Variants in ATP13A2 observed in about 807,000 individuals in gnomAD.
The protein encoded by ATP13A2 is ATPase cation transporting 13A2.
In ATP13A2, 83 loss-of-function variants were observed where a neutral mutation model predicts 138.3. The ratio of observed to expected loss-of-function variants is 0.60; its 90% confidence interval spans 0.50 to 0.72. The LOEUF is 0.72. ATP13A2 is among the 30% of genes least tolerant of loss of function. The probability of loss-of-function intolerance (pLI) is 0.00; values close to 1 mark genes in which losing one functional copy is unlikely to be tolerated. For missense variants in ATP13A2, 1,402 were observed against 1,606.4 expected (o/e 0.87, Z 2.17); for synonymous variants, 663 against 699.0 (o/e 0.95, Z 0.81).
At position 17,011,082 on chromosome 1, in the gene ATP13A2, G is replaced by A. The variant is rs1280480744; in HGVS notation, c.10+647C>T. Among the ~76,000 whole-genome samples the A allele has an allele frequency of 6.6e-6, 1 of 152,142 alleles. No homozygotes were observed. The highest frequency in any genetic ancestry group is 1.5e-5 in the Non-Finnish European group (1 of 68,034). ...AGATGAGACCTTTCTGGATAGGGGA[G>A]GAGGACTGGCCCCATTCCCGGCAGG... On this transcript the variant is annotated intron_variant, in intron 1 of 28. Transcript: ENST00000326735. The surrounding 1 kb of genome is among the most constrained non-coding windows in gnomAD (Gnocchi z 7.3).
Position 17,005,500 on chromosome 1 carries a change from G to A in ATP13A2, c.162C>T (p.Val54=). The stretch of plus-strand genomic sequence containing the variant: ...GCAAAGGGATCCCAGCCATCATCCA[G>A]ACCACGACGTGATAGCCGATGACCC... ...PWRVIGYHVV[V]WMMAGIPLLL... Residue 54 remains valine, a synonymous_variant, in exon 3 of 29, where the codon GTC becomes GTT. Coordinates refer to ENST00000326735, the MANE Select transcript of ATP13A2 (RefSeq NM_022089.4). 6.2e-7 allele frequency: 1 copy of A among 1,614,260 alleles called. No individual in the cohort carries two copies. Among genetic ancestry groups the A allele is most frequent in the South Asian group, 1.1e-5 (1 of 91,086 alleles).
intron 23 of ATP13A2, 47 bp from the exon 24 acceptor site, chr1:16,988,521 C>T (rs538848816): frequency 2.5e-6 from 4 of 1,611,546 alleles, no homozygotes; most frequent in East Asian, 4.5e-5. Flanking sequence ...TACCCCACCA[C>T]CCCATGGGTG....
intron 11 of ATP13A2, among the ~76,000 whole-genome samples, chr1:16,998,530 G>C (rs1238471089): frequency 1.3e-5 from 2 of 152,090 alleles, no homozygotes; most frequent in African/African-American, 4.8e-5. Flanking sequence ...CAAATACAAT[G>C]CCAGCCAGAA....
In ATP13A2 at chr1:16,989,708, G is replaced by T; in HGVS notation, c.2592C>A (p.Cys864Ter). The T allele has an allele frequency of 1.2e-6, 2 of 1,614,076 alleles. No homozygotes were observed. Among genetic ancestry groups the T allele is most frequent in the Non-Finnish European group, 1.7e-6 (2 of 1,180,018 alleles). ...MAPEQKTELV[C>*]ELQKLQYCVG... ...GCACTCACTGAAGCTTCTGTAGCTCGCACACCAGCTCTGTCTTCTGCTCAG... is the reference window on the plus strand; with the variant it reads ...GCACTCACTGAAGCTTCTGTAGCTCTCACACCAGCTCTGTCTTCTGCTCAG... The change falls in exon 23 of 29, where the codon TGC (cysteine) becomes TGA (stop). Residue 864 changes from cysteine (C) to a stop codon, truncating the protein, a stop_gained. Transcript: ENST00000326735. LOFTEE classifies it high-confidence loss of function.
intron 25 of ATP13A2, 49 bp downstream of exon 25, chr1:16,988,089 C>A: frequency 6.5e-7 from 1 of 1,546,928 alleles, no homozygotes; most frequent in South Asian, 1.1e-5. Context: ...GCTGTGTCCC[C>A]TCCCTAGTCC....
Position 17,000,152 on chromosome 1 carries a change from G to A in ATP13A2, c.908-10C>T. On this transcript the variant is annotated splice_polypyrimidine_tract_variant and intron_variant, in intron 10 of 28. Transcript: ENST00000326735. ...TCCACCCACTCTTCCTCTGCAGGCA[G>A]GCAGGAGAGGAGCTCAGCTAGGTGG... The A allele has an allele frequency of 6.2e-7, 1 of 1,613,026 alleles. No individual in the cohort carries two copies. Among genetic ancestry groups the A allele is most frequent in the Non-Finnish European group, 8.5e-7 (1 of 1,179,950 alleles).
chr1:17,005,496 T>C lies in ATP13A2; in HGVS notation c.166A>G (p.Met56Val), dbSNP rs1329426374. 1 of 1,614,242 alleles carries C rather than the reference T, an allele frequency of 6.2e-7. No homozygotes were observed. Among genetic ancestry groups the C allele is most frequent in the East Asian group, 2.2e-5 (1 of 44,874 alleles). The stretch of plus-strand genomic sequence containing the variant: ...AGCAGCAAAGGGATCCCAGCCATCA[T>C]CCAGACCACGACGTGATAGCCGATG... ...RVIGYHVVVW[M>V]MAGIPLLLFR... The change falls in exon 3 of 29, where the codon ATG (methionine) becomes GTG (valine). Residue 56 changes from methionine to valine, a missense_variant. Coordinates refer to ENST00000326735, the MANE Select transcript of ATP13A2 (RefSeq NM_022089.4).
At position 16,986,293 on chromosome 1, in the gene ATP13A2, C is replaced by T; in HGVS notation, c.3471G>A (p.Lys1157=). ...RRLRPKRASK[K]RFKQLERELA... ...GCTCTCGTTCCAGCTGCTTGAAGCG[C>T]TTCTTGGAGGCCCGCTTGGGCCGGA... The change falls in exon 29 of 29, where the codon AAG becomes AAA. Residue 1157 remains lysine, a synonymous_variant. Coordinates refer to ENST00000326735, the MANE Select transcript of ATP13A2 (RefSeq NM_022089.4). This position sits in a 1 kb window ranked among gnomAD's most constrained non-coding sequence, Gnocchi z 6.9. 3 of 1,601,694 alleles carry T rather than the reference C, an allele frequency of 1.9e-6. No individual in the cohort carries two copies. The highest frequency in any genetic ancestry group is 1.7e-4 in the Middle Eastern group (1 of 5,952).
At position 16,992,516 on chromosome 1, in the gene ATP13A2, G is replaced by A. The variant is rs2076603; in HGVS notation, c.1815C>T (p.Pro605=). Residue 605 remains proline, a synonymous_variant, in exon 17 of 29, where the codon CCC becomes CCT. Coordinates refer to ENST00000326735, the MANE Select transcript of ATP13A2 (RefSeq NM_022089.4). ...CCTGCAGCTGGGGCTCCCAAAGTGG[G>A]GGTCTCATCACTGCCAAGACCTGGG... ...FGTQVLAVMR[P]PLWEPQLQAM... 974,957 of 1,613,888 alleles carry A rather than the reference G, an allele frequency of 0.6. 299,947 individuals are homozygous for A. Among genetic ancestry groups the A allele is most frequent in the Non-Finnish European group, 0.64 (754,347 of 1,179,938 alleles).
rs552796782 is a variant in ATP13A2, at chr1:16,998,455, C to T, written c.1040-1280G>A. The stretch of plus-strand genomic sequence containing the variant: ...TCCTCACCTCAGGCAATCCACCCAC[C>T]TCTGCCTGCCAAAGTGTTGGGATTA... On this transcript the variant is annotated intron_variant, in intron 11 of 28. Transcript: ENST00000326735. Among the ~76,000 whole-genome samples, 121 of 152,266 alleles carry T rather than the reference C, an allele frequency of 7.9e-4. 4 individuals are homozygous for T. In the South Asian group the frequency reaches 0.017, roughly 22 times the overall value.
In ATP13A2 at chr1:16,986,987, G is replaced by A. The variant is rs371344553; in HGVS notation, c.3084-31C>T. On this transcript the variant is annotated intron_variant, in intron 26 of 28. Transcript: ENST00000326735. This position sits in a 1 kb window ranked among gnomAD's most constrained non-coding sequence, Gnocchi z 6.9. ...GGTACAGGGATGGGGGTCAGGGAACGAACGTGGGGTGGACAGGGAAGGGGC... is the reference window on the plus strand; with the variant it reads ...GGTACAGGGATGGGGGTCAGGGAACAAACGTGGGGTGGACAGGGAAGGGGC... 13 of 1,606,818 alleles carry A rather than the reference G, an allele frequency of 8.1e-6. No individual in the cohort carries two copies. Among genetic ancestry groups the A allele is most frequent in the Middle Eastern group, 3.3e-4 (2 of 6,062 alleles).
intron 11 of ATP13A2, among the ~76,000 whole-genome samples, chr1:16,997,756 A>G (rs1400113999): frequency 6.6e-6 from 1 of 151,388 alleles, no homozygotes; most frequent in Non-Finnish European, 1.5e-5. Flanking sequence ...CAGGGTAATA[A>G]CTTGAACCAG....
Position 17,000,400 on chromosome 1 carries a change from C to T in ATP13A2, c.840G>A (p.Lys280=). The change falls in exon 9 of 29, where the codon AAG becomes AAA. Residue 280 remains lysine (K), a splice_region_variant and synonymous_variant. Coordinates refer to ENST00000326735, the MANE Select transcript of ATP13A2 (RefSeq NM_022089.4). The stretch of plus-strand genomic sequence containing the variant: ...TCCCCACCCACCTTATGGCACTCAC[C>T]TTTCTGGTCTTGTACAGCGACAGGC... ...SICLSLYKTR[K]QSQTLRDMVK... The T allele has an allele frequency of 6.2e-7, 1 of 1,612,240 alleles. No individual in the cohort carries two copies. The highest frequency in any genetic ancestry group is 8.5e-7 in the Non-Finnish European group (1 of 1,179,118).
chr1:16,992,597 G>C lies in ATP13A2; in HGVS notation c.1750-16C>G, dbSNP rs2076976055. On this transcript the variant is annotated splice_polypyrimidine_tract_variant and intron_variant, in intron 16 of 28. Transcript: ENST00000326735. ...CCTCCAGGACCTGGCAGGCAGGCAGGGAAGTTTGGTGTCTGGGGGCTTTGG... is the reference window on the plus strand; with the variant it reads ...CCTCCAGGACCTGGCAGGCAGGCAGCGAAGTTTGGTGTCTGGGGGCTTTGG... 10 of 1,614,058 alleles carry C rather than the reference G, an allele frequency of 6.2e-6. No homozygotes were observed. Among genetic ancestry groups the C allele is most frequent in the Non-Finnish European group, 7.6e-6 (9 of 1,179,884 alleles).
At position 17,011,502 on chromosome 1, in the gene ATP13A2, CT is replaced by C. The variant is rs2077790438; in HGVS notation, c.10+226del. Reference sequence around the variant, plus strand: ...GGGTGCAGGGGAGGGGAGGGACCGGCTGCGAGCGGCGGCGCCATCCCCAGCC... The same window carrying C: ...GGGTGCAGGGGAGGGGAGGGACCGGCGCGAGCGGCGGCGCCATCCCCAGCC... On this transcript the variant is annotated intron_variant, in intron 1 of 28. Transcript: ENST00000326735. The surrounding 1 kb of genome is among the most constrained non-coding windows in gnomAD (Gnocchi z 7.3). Among the ~76,000 whole-genome samples, 2 of 152,274 alleles carry C rather than the reference CT, an allele frequency of 1.3e-5. No homozygotes were observed. The highest frequency in any genetic ancestry group is 1.3e-4 in the Admixed American group (2 of 15,300).
chr1:17,008,747 G>C (rs1240750276), intron 1 of ATP13A2, among the ~76,000 whole-genome samples: 1 of 152,046 alleles, frequency 6.6e-6, no homozygotes, highest in African/African-American at 2.4e-5. Context: ...TCAGGAGGTG[G>C]AGACTAGCTG....
chr1:17,009,505 C>T (rs932231920), intron 1 of ATP13A2, among the ~76,000 whole-genome samples: 3 of 150,294 alleles, frequency 2.0e-5, no homozygotes, highest in African/African-American at 7.3e-5. Context: ...AAAGGAGGTA[C>T]TCTTGCCTCT....
At chr1:16,997,776 G>A (rs2077195694) in intron 11 of ATP13A2, among the ~76,000 whole-genome samples, 1 of 151,550 alleles carries the variant, frequency 6.6e-6, no homozygotes, top group South Asian at 2.1e-4. Flanking sequence ...GAGAGGCGGA[G>A]GTTGCAGTGA....
chr1:16,992,457 C>A (rs761037315), intron 17 of ATP13A2, 29 bp downstream of exon 17: 2 of 1,613,788 alleles, frequency 1.2e-6, no homozygotes, highest in Non-Finnish European at 1.7e-6. Flanking sequence ...CCCCTCTGCC[C>A]TGCACCCAAC....
Sources: gnomAD v4.1 joint callset for allele counts (sites outside exome capture counted in the v4.1 genomes callset) on GRCh38, gnomAD v4.1.1 for gene constraint, Gnocchi (gnomAD v3.1) non-coding constraint, MANE v1.5 for transcripts, NCBI Gene and HGNC (gene_info 2026-07-23, HGNC 2026-07-21) for gene names.